SCML2: variants seen among roughly 807,000 people sequenced by gnomAD.
SCML2 encodes sex comb on midleg-like protein 2.
In SCML2, 6 loss-of-function variants were observed where a neutral mutation model predicts 48.4. That is an observed-to-expected ratio of 0.12 (90% confidence interval 0.07 to 0.24). The LOEUF (loss-of-function observed/expected upper bound fraction) is 0.24, where lower values mean the gene tolerates loss of function less well. Ranked by LOEUF, SCML2 falls within the 10% of genes least tolerant of loss-of-function variation. SCML2 has a pLI of 1.00. For synonymous variants in SCML2, 181 were observed against 189.5 expected, an observed-to-expected ratio of 0.95 and a Z score of 0.37; for missense variants, 377 against 528.2, an observed-to-expected ratio of 0.71 and a Z score of 2.81.
intron 13 of SCML2, among the ~76,000 whole-genome samples, chrX:18,244,408 CAT>C (rs1926369575): frequency 8.9e-6 from 1 of 111,797 alleles, no homozygotes. Flanking sequence ...TTTTGAATAA[CAT>C]GTAACTAGTT....
intron 2 of SCML2, among the ~76,000 whole-genome samples, chrX:18,333,792 G>A (rs1929726518): frequency 9.0e-6 from 1 of 111,673 alleles, no homozygotes; most frequent in Non-Finnish European, 1.9e-5. Context: ...ATCACTCTTT[G>A]GATTCTAATC....
At chrX:18,263,362 G>A (rs868370242) in intron 8 of SCML2, among the ~76,000 whole-genome samples, 3 of 111,624 alleles carry the variant, frequency 2.7e-5, no homozygotes, top group Non-Finnish European at 5.6e-5. Context: ...AAATAGTCAT[G>A]TTATTATAAG....
intron 7 of SCML2, among the ~76,000 whole-genome samples, chrX:18,289,490 T>C (rs1928162023): frequency 8.9e-6 from 1 of 112,126 alleles, no homozygotes; most frequent in African/African-American, 3.2e-5. Context: ...CTCAGTATAT[T>C]AGTCCATATT....
chrX:18,336,002 A>G (rs911386158), intron 1 of SCML2, among the ~76,000 whole-genome samples: 6 of 112,514 alleles, frequency 5.3e-5, no homozygotes, highest in Admixed American at 3.8e-4. Context: ...ACGGTATTCA[A>G]AACTGTGTGA....
At chrX:18,306,521 G>A (rs1368350075) in intron 6 of SCML2, among the ~76,000 whole-genome samples, 1 of 111,701 alleles carries the variant, frequency 9.0e-6, no homozygotes. Context: ...ATAGAAATGT[G>A]TTCATTCCTC....
At chrX:18,291,203 T>C (rs901103336) in intron 7 of SCML2, among the ~76,000 whole-genome samples, 8 of 111,801 alleles carry the variant, frequency 7.2e-5, no homozygotes, top group African/African-American at 2.3e-4. Context: ...CCAGACACTC[T>C]GTACGGGTCT....
chrX:18,250,094 T>C (rs769254954), intron 11 of SCML2, among the ~76,000 whole-genome samples: 14 of 100,898 alleles, frequency 1.4e-4, no homozygotes, highest in Non-Finnish European at 2.0e-4. Flanking sequence ...GATTTTTAAA[T>C]GTCCAGTTTT....
intron 7 of SCML2, among the ~76,000 whole-genome samples, chrX:18,282,950 C>T (rs1473716294): frequency 9.0e-6 from 1 of 111,072 alleles, no homozygotes; most frequent in Non-Finnish European, 1.9e-5. Context: ...TTCTATGAAG[C>T]TAGCATCATT....
At chrX:18,350,862 G>A (rs1275783042) in intron 1 of SCML2, among the ~76,000 whole-genome samples, 4 of 111,640 alleles carry the variant, frequency 3.6e-5, no homozygotes, top group Non-Finnish European at 1.9e-5. Context: ...TATAAATTAT[G>A]CCATTTTAAT....
At position 18,243,949 on chromosome X, in the gene SCML2, T is replaced by A. The variant is rs960886216; in HGVS notation, c.1823-1359A>T. On this transcript the variant is annotated intron_variant, in intron 13 of 14. Coordinates refer to ENST00000251900, the MANE Select transcript of SCML2 (RefSeq NM_006089.3). ...CCAAAGGAGTACCCTTTCTTTCCTA[T>A]CCTCTGGACTATGGCCATTTTAGAA... 1.6e-4 allele frequency among the ~76,000 whole-genome samples: 18 copies of A among 112,080 alleles called. No homozygotes were observed. The Admixed American group carries it at 1.6e-3, about 10-fold the overall frequency.
At chrX:18,279,564 G>T (rs1020068566) in intron 7 of SCML2, among the ~76,000 whole-genome samples, 1 of 112,184 alleles carries the variant, frequency 8.9e-6, no homozygotes, top group African/African-American at 3.2e-5. Flanking sequence ...ATCCGGATGC[G>T]CAAGGAGGCT....
chrX:18,256,448 G>A (rs1406805760), intron 11 of SCML2, among the ~76,000 whole-genome samples: 1 of 111,205 alleles, frequency 9.0e-6, no homozygotes. Flanking sequence ...GTGAGACTCT[G>A]TCTCCAAAAA....
At chrX:18,291,095 A>C (rs1455142334) in intron 7 of SCML2, among the ~76,000 whole-genome samples, 11 of 112,052 alleles carry the variant, frequency 9.8e-5, no homozygotes, top group Non-Finnish European at 2.1e-4. Flanking sequence ...AGTTTGCAAG[A>C]AGAAAATCTA....
rs750658948 is a variant in SCML2, at chrX:18,251,309, C to CAAAAAAA, written c.1457-3434_1457-3428dup. Among the ~76,000 whole-genome samples the CAAAAAAA allele has an allele frequency of 3.8e-3, 26 of 6,770 alleles. 6 individuals carry two copies. The highest frequency in any genetic ancestry group is 0.018 in the African/African-American group (24 of 1,321). The allele number at this position is 6,770 out of a possible 115,157, so 5.9% of individuals were successfully genotyped here. On this transcript the variant is annotated intron_variant, in intron 11 of 14. Transcript: ENST00000251900. ...TGGGTAACAGAGCAAGATTCCATTG[C>CAAAAAAA]AAAAAAAAAAAAAAAAAAAAAAAAA...
intron 6 of SCML2, among the ~76,000 whole-genome samples, chrX:18,309,045 C>A (rs1435035125): frequency 1.8e-5 from 2 of 109,800 alleles, no homozygotes; most frequent in African/African-American, 6.6e-5. Flanking sequence ...CCTGTCTCTA[C>A]GAATAATACA....
At chrX:18,313,010 C>T (rs755118738) in intron 6 of SCML2, among the ~76,000 whole-genome samples, 23 of 105,209 alleles carry the variant, frequency 2.2e-4, no homozygotes, top group African/African-American at 4.2e-4. Flanking sequence ...TGTGTGTGCG[C>T]GTGTGTGTGT....
chrX:18,310,329 G>A (rs1265799956), intron 6 of SCML2, among the ~76,000 whole-genome samples: 2 of 88,416 alleles, frequency 2.3e-5, no homozygotes, highest in South Asian at 1.4e-3. Context: ...GCAGTGGCAC[G>A]ACCTCGGCTC....
At chrX:18,337,305 CAAAAAAAAAAAAA>C (rs770888184) in intron 1 of SCML2, among the ~76,000 whole-genome samples, 2 of 5,057 alleles carry the variant, frequency 4.0e-4, no homozygotes, top group African/African-American at 5.8e-4. Context: ...GACTCTGTCT[CAAAAAAAAAAAAA>C]AAAAAAAAAA....
chrX:18,352,099 CA>C (rs1930395402), intron 1 of SCML2, among the ~76,000 whole-genome samples: 2 of 111,482 alleles, frequency 1.8e-5, no homozygotes, highest in South Asian at 7.4e-4. Flanking sequence ...GGAACAAGCC[CA>C]AAAGAAAATA....
Sources: gnomAD v4.1 joint callset for allele counts (sites outside exome capture counted in the v4.1 genomes callset) on GRCh38, gnomAD v4.1.1 for gene constraint, MANE v1.5 for transcripts, NCBI Gene and HGNC (gene_info 2026-07-23, HGNC 2026-07-21) for gene names.